The following MED13 variants were observed in gnomAD, a reference collection of about 807,000 sequenced individuals.
The protein encoded by MED13 is mediator complex subunit 13, also known as mediator of RNA polymerase II transcription subunit 13.
MED13 carries 23 observed loss-of-function variants against 225.2 expected under a neutral mutation model. That is an observed-to-expected ratio of 0.10 (90% CI 0.07 to 0.14). The LOEUF is 0.14. Among genes scored for constraint, MED13 ranks in the 10% least tolerant of loss-of-function variants. The probability of loss-of-function intolerance (pLI) is 1.00; values close to 1 mark genes in which losing one functional copy is unlikely to be tolerated. For synonymous variants in MED13, 942 were observed against 889.2 expected (o/e 1.06, Z -1.06); for missense variants, 2,197 against 2,594.5 (o/e 0.85, Z 3.33).
rs745567405 is a variant in MED13 at position 62,029,919 on chromosome 17, G to A, written c.1104C>T (p.Pro368=). The change falls in exon 7 of 30, where the codon CCC becomes CCT. Residue 368 remains proline, a synonymous_variant. Coordinates refer to ENST00000397786, the MANE Select transcript of MED13 (RefSeq NM_005121.3). ...CCACCACATGATTTGCTAATTTTCTGGGTATTTTCCCACCATGGTGGCTAG... is the reference window on the plus strand; with the variant it reads ...CCACCACATGATTTGCTAATTTTCTAGGTATTTTCCCACCATGGTGGCTAG... ...DSTSHHGGKI[P]RKLANHVVDR... The A allele has an allele frequency of 1.2e-6, 2 of 1,613,774 alleles. No homozygotes were observed. Among genetic ancestry groups the A allele is most frequent in the Admixed American group, 1.7e-5 (1 of 59,908 alleles).
chr17:61,977,004 A>G (rs2080162798), intron 16 of MED13, among the ~76,000 whole-genome samples: 1 of 152,240 alleles, frequency 6.6e-6, no homozygotes, highest in Admixed American at 6.5e-5. Context: ...TTTTAAATTC[A>G]TTCAAACATA....
chr17:62,041,262 T>G (rs906916632), intron 3 of MED13, among the ~76,000 whole-genome samples: 2 of 152,198 alleles, frequency 1.3e-5, no homozygotes, highest in African/African-American at 2.4e-5. Context: ...TTATGCTTAC[T>G]GAAATAACCC....
rs371011138 is a variant in MED13, at chr17:61,946,536, G to A, written c.6457C>T (p.Arg2153Cys). ...LTCDPATQDR[R>C]SCLPIHFVVL... The stretch of plus-strand genomic sequence containing the variant: ...ACAAAATGAATTGGGAGACATGAGC[G>A]TCTGTCCTGGGTTGCAGGGTCACAG... Residue 2153 changes from arginine (R) to cysteine (C), a missense_variant, in exon 30 of 30, where the codon CGC becomes TGC. Physicochemically the swap from Arg to Cys is radical, Grantham distance 180 (BLOSUM62 -3). Coordinates refer to ENST00000397786, the MANE Select transcript of MED13 (RefSeq NM_005121.3). The A allele has an allele frequency of 2.1e-5, 34 of 1,613,702 alleles. No homozygotes were observed. Among genetic ancestry groups the A allele is most frequent in the Admixed American group, 1.0e-4 (6 of 60,002 alleles).
intron 11 of MED13, among the ~76,000 whole-genome samples, chr17:61,989,429 A>G (rs1333683130): frequency 6.6e-6 from 1 of 151,092 alleles, no homozygotes; most frequent in African/African-American, 2.4e-5. Flanking sequence ...GCAACCTCCG[A>G]CTCCTAGATT....
At chr17:61,954,183 A>G (rs2079921363) in intron 26 of MED13, among the ~76,000 whole-genome samples, 1 of 152,194 alleles carries the variant, frequency 6.6e-6, no homozygotes, top group African/African-American at 2.4e-5. Flanking sequence ...AAAATATTCG[A>G]GTTATTATAT....
chr17:61,948,874 C>A (rs1034124921), intron 28 of MED13, among the ~76,000 whole-genome samples: 1 of 151,180 alleles, frequency 6.6e-6, no homozygotes, highest in Non-Finnish European at 1.5e-5. Context: ...ATCACGAGGT[C>A]AGGAGATCGA....
chr17:61,980,752 C>T (rs1278677754), intron 16 of MED13, among the ~76,000 whole-genome samples: 1 of 152,040 alleles, frequency 6.6e-6, no homozygotes, highest in East Asian at 1.9e-4. Flanking sequence ...CTATTTTCCA[C>T]ACAATAGCAA....
Position 62,052,664 on chromosome 17 carries a change from A to T in MED13, c.343T>A (p.Cys115Ser). 6.3e-7 allele frequency: 1 copy of T among 1,593,350 alleles called. No individual in the cohort carries two copies. The highest frequency in any genetic ancestry group is 8.6e-7 in the Non-Finnish European group (1 of 1,169,020). The change falls in exon 3 of 30, where the codon TGC (cysteine) becomes AGC (serine). Residue 115 changes from cysteine (C) to serine (S), a missense_variant. This residue lies in a region of MED13 where 884 missense variants were observed against 918.5 expected (regional missense o/e 0.96). Transcript: ENST00000397786. ...ACTGCTTTGAAAAGCAGAGTACGGC[A>T]TTCATAGGAAAGTCCATTCTCCCAC... ...GVWENGLSYE[C>S]RTLLFKAVHN...
chr17:62,014,338 A>G (rs1451763735), intron 8 of MED13, among the ~76,000 whole-genome samples: 1 of 149,182 alleles, frequency 6.7e-6, no homozygotes. Flanking sequence ...ATATTTTGAG[A>G]CACAGTTTCA....
intron 2 of MED13, among the ~76,000 whole-genome samples, chr17:62,058,867 C>T (rs921959110): frequency 1.3e-5 from 2 of 152,158 alleles, no homozygotes; most frequent in Non-Finnish European, 1.5e-5. Context: ...TTAAATCAGA[C>T]GTGATTTGCT....
Position 62,011,162 on chromosome 17 carries a change from A to G in MED13, c.1355T>C (p.Ile452Thr). Residue 452 changes from isoleucine to threonine, a missense_variant, in exon 9 of 30, where the codon ATA becomes ACA. Physicochemically the swap from Ile to Thr is moderately conservative, Grantham distance 89. This residue lies in a region of MED13 where 884 missense variants were observed against 918.5 expected (regional missense o/e 0.96). Transcript: ENST00000397786. The stretch of plus-strand genomic sequence containing the variant: ...CTCATTGGTCTTGTGCTTAGGAAGT[A>G]TTTGTTGTTGCTGACCTAAAGATGG... ...QAPSLGQQQQ[I>T]LPKHKTNEKQ... 1 of 1,614,064 alleles carries G rather than the reference A, an allele frequency of 6.2e-7. No individual in the cohort carries two copies. Among genetic ancestry groups the G allele is most frequent in the Non-Finnish European group, 8.5e-7 (1 of 1,180,018 alleles).
chr17:62,034,683 AAAT>A (rs2080787252), intron 4 of MED13, among the ~76,000 whole-genome samples: 1 of 152,208 alleles, frequency 6.6e-6, no homozygotes, highest in African/African-American at 2.4e-5. Flanking sequence ...TTTAAAAAGC[AAAT>A]ATTAGGTTTA....
Position 61,985,096 on chromosome 17 carries a change from T to TA in MED13, c.2386-7dup. ...GCTGATTTTTTAGATCCAGGCTATT[T>TA]AAAAAAAGCACATATTTATCTAAAA... On this transcript the variant is annotated splice_polypyrimidine_tract_variant and splice_region_variant and intron_variant, in intron 12 of 29. Coordinates refer to ENST00000397786, the MANE Select transcript of MED13 (RefSeq NM_005121.3). The TA allele has an allele frequency of 2.5e-6, 4 of 1,607,948 alleles. No homozygotes were observed. The highest frequency in any genetic ancestry group is 1.3e-5 in the African/African-American group (1 of 74,686).
At chr17:62,003,843 C>G (rs1251963862) in intron 9 of MED13, 4 of 152,130 alleles carry the variant, frequency 2.6e-5, no homozygotes, top group Non-Finnish European at 5.9e-5. Context: ...CGCTACTTTT[C>G]TACACTATGC....
At chr17:62,035,243 T>C (rs2080792224) in intron 4 of MED13, among the ~76,000 whole-genome samples, 1 of 152,138 alleles carries the variant, frequency 6.6e-6, no homozygotes, top group Admixed American at 6.6e-5. Flanking sequence ...TTTAAACTAC[T>C]TCACCATTCA....
intron 28 of MED13, among the ~76,000 whole-genome samples, chr17:61,949,746 G>A (rs1442805637): frequency 6.6e-6 from 1 of 152,114 alleles, no homozygotes; most frequent in Non-Finnish European, 1.5e-5. Flanking sequence ...GGAGTGCAGT[G>A]GCGCGATCTC....
At chr17:61,958,136 T>C (rs564858284) in intron 23 of MED13, among the ~76,000 whole-genome samples, 1 of 152,004 alleles carries the variant, frequency 6.6e-6, no homozygotes, top group Non-Finnish European at 1.5e-5. Flanking sequence ...AGTGCTGGGA[T>C]TACAGGCGTG....
At position 61,982,427 on chromosome 17, in the gene MED13, T is replaced by G. The variant is rs371805285; in HGVS notation, c.3576A>C (p.Leu1192=). The change falls in exon 16 of 30, where the codon CTA becomes CTC. Residue 1192 remains leucine, a synonymous_variant. Transcript: ENST00000397786. ...AAAATAAATTAGTGCACTGATCTTGTAGCAATAATATCAAATCATCAGATA... is the reference window on the plus strand; with the variant it reads ...AAAATAAATTAGTGCACTGATCTTGGAGCAATAATATCAAATCATCAGATA... ...EKLSDDLILL[L]QDQCTNLFSP... 32 of 1,614,072 alleles carry G rather than the reference T, an allele frequency of 2.0e-5. No homozygotes were observed. Among genetic ancestry groups the G allele is most frequent in the Non-Finnish European group, 2.7e-5 (32 of 1,180,008 alleles).
Position 62,026,568 on chromosome 17 carries a change from T to C in MED13, c.1283+2973A>G, listed in dbSNP as rs193122215. 8.3e-5 allele frequency among the ~76,000 whole-genome samples: 12 copies of C among 145,356 alleles called. No individual in the cohort carries two copies. The East Asian group carries it at 2.2e-3, about 27-fold the overall frequency. On this transcript the variant is annotated intron_variant, in intron 8 of 29. Coordinates refer to ENST00000397786, the MANE Select transcript of MED13 (RefSeq NM_005121.3). ...TGCCTCCTCTCACTCCTATTCAAAA[T>C]AGTATGGGGAGTCCTGGCCAGAAGA...
Sources: allele counts gnomAD v4.1 joint callset (sites outside exome capture counted in the v4.1 genomes callset), GRCh38; gene constraint gnomAD v4.1.1; regional missense constraint gnomAD v4.1.1; transcripts MANE v1.5; gene names NCBI Gene and HGNC (gene_info 2026-07-23, HGNC 2026-07-21).